The following DMD variants were observed in gnomAD, a reference collection of about 807,000 sequenced individuals.
DMD encodes mutant dystrophin.
DMD carries 63 observed loss-of-function variants against 330.1 expected under a neutral mutation model. That is an observed-to-expected ratio of 0.19 (90% confidence interval 0.16 to 0.24). The LOEUF (loss-of-function observed/expected upper bound fraction) is 0.24, where lower values mean the gene tolerates loss of function less well. DMD is among the 10% of genes least tolerant of loss of function. The probability of loss-of-function intolerance (pLI) is 1.00; values close to 1 mark genes in which losing one functional copy is unlikely to be tolerated. For synonymous variants in DMD, 1,223 were observed against 959.8 expected, an observed-to-expected ratio of 1.27 and a Z score of -5.07; for missense variants, 3,344 against 2,684.1, an observed-to-expected ratio of 1.25 and a Z score of -5.43.
chrX:32,026,553 G>C (rs1179971200), intron 44 of DMD, among the ~76,000 whole-genome samples: 3 of 112,533 alleles, frequency 2.7e-5, no homozygotes, highest in Non-Finnish European at 5.6e-5. Flanking sequence ...TCAGCTGCCT[G>C]AGATTTAATA....
chrX:32,772,436 T>C (rs1424156323), intron 7 of DMD, among the ~76,000 whole-genome samples: 1 of 112,531 alleles, frequency 8.9e-6, no homozygotes, highest in Non-Finnish European at 1.9e-5. Flanking sequence ...CAATAACTAG[T>C]CTTTACTCTG....
rs767454799 is a variant in DMD at position 31,485,438 on chromosome X, C to T, written c.8548-6335G>A. The stretch of plus-strand genomic sequence containing the variant: ...CTCAAACTCCTGACCTCAGGTGATC[C>T]GTTTGCCTCGGCCTCGCAAAGTGCT... On this transcript the variant is annotated intron_variant, in intron 57 of 78. Coordinates refer to ENST00000357033, the MANE Select transcript of DMD (RefSeq NM_004006.3). Among the ~76,000 whole-genome samples, 101 of 111,585 alleles carry T rather than the reference C, an allele frequency of 9.1e-4. 1 individual carries two copies. Among genetic ancestry groups the T allele is most frequent in the Non-Finnish European group, 1.5e-3 (82 of 53,134 alleles).
chrX:32,834,507 T>C (rs2079437482), intron 4 of DMD, among the ~76,000 whole-genome samples: 1 of 111,777 alleles, frequency 8.9e-6, no homozygotes, highest in African/African-American at 3.2e-5. Flanking sequence ...ATTTTTCAGA[T>C]CAGTGACATC....
intron 2 of DMD, among the ~76,000 whole-genome samples, chrX:32,883,823 CA>C (rs56150142): frequency 0.074 from 2,210 of 29,924 alleles, 2 homozygotes; most frequent in Non-Finnish European, 0.084. Flanking sequence ...GACTCTGTTT[CA>C]AAAAAAAAAA....
intron 55 of DMD, among the ~76,000 whole-genome samples, chrX:31,606,135 G>A (rs2077598854): frequency 3.6e-5 from 4 of 111,196 alleles, no homozygotes; most frequent in Non-Finnish European, 7.5e-5. Context: ...TTCGCTGGGC[G>A]CTTCTCCTTC....
At chrX:32,749,585 A>C (rs746088856) in intron 7 of DMD, among the ~76,000 whole-genome samples, 3 of 112,545 alleles carry the variant, frequency 2.7e-5, no homozygotes, top group African/African-American at 6.4e-5. Flanking sequence ...TTTCCTAAGG[A>C]AATGGAAAGA....
At chrX:32,305,084 A>G (rs2097535624) in intron 42 of DMD, among the ~76,000 whole-genome samples, 1 of 111,699 alleles carries the variant, frequency 9.0e-6, no homozygotes, top group Non-Finnish European at 1.9e-5. Flanking sequence ...ATACGCATAT[A>G]AACAATCGTT....
chrX:31,985,268 G>A (rs1405229482), intron 44 of DMD, among the ~76,000 whole-genome samples: 1 of 111,758 alleles, frequency 8.9e-6, no homozygotes, highest in Non-Finnish European at 1.9e-5. Context: ...GAAACAAAAC[G>A]TCTGCATGAT....
intron 1 of DMD, among the ~76,000 whole-genome samples, chrX:33,260,941 C>T (rs1301430861): frequency 1.8e-5 from 2 of 111,003 alleles, no homozygotes; most frequent in Non-Finnish European, 3.8e-5. Flanking sequence ...AAAATTACAA[C>T]AAAAGCGATC....
chrX:32,252,755 A>AATATATATAAAT (rs1569553654), intron 43 of DMD, among the ~76,000 whole-genome samples: 3 of 32,573 alleles, frequency 9.2e-5, no homozygotes, highest in Non-Finnish European at 1.4e-4. Flanking sequence ...AATATATATA[A>AATATATATAAAT]ATATATAAAT....
chrX:32,178,964 CT>C (rs2096917102), intron 44 of DMD, among the ~76,000 whole-genome samples: 1 of 104,488 alleles, frequency 9.6e-6, no homozygotes, highest in African/African-American at 3.6e-5. Context: ...CTCTCTCTCT[CT>C]CTCTCTCTCT....
chrX:31,794,870 AG>A (rs745814827), intron 50 of DMD, among the ~76,000 whole-genome samples: 147 of 111,972 alleles, frequency 1.3e-3, no homozygotes, highest in African/African-American at 4.7e-3. Flanking sequence ...AACGAAATTT[AG>A]GAAGAGCCTC....
rs1232286510 is a variant in DMD, at chrX:32,440,428, C to T, written c.3921+752G>A. ...AAATTCTATTCTGTCTAAAGAAATA[C>T]CTTACATTTTCTTCACATCTTGAAT... On this transcript the variant is annotated intron_variant, in intron 28 of 78. Coordinates refer to ENST00000357033, the MANE Select transcript of DMD (RefSeq NM_004006.3). 2.7e-5 allele frequency among the ~76,000 whole-genome samples: 3 copies of T among 111,318 alleles called. No individual in the cohort carries two copies. In the East Asian group the frequency reaches 8.4e-4, roughly 31 times the overall value.
intron 44 of DMD, among the ~76,000 whole-genome samples, chrX:32,056,165 T>C (rs1041491865): frequency 9.1e-6 from 1 of 110,340 alleles, no homozygotes; most frequent in Admixed American, 9.7e-5. Context: ...ATTTACAGCA[T>C]TGTCCTTCCA....
At chrX:31,526,839 G>T (rs1362328924) in intron 55 of DMD, among the ~76,000 whole-genome samples, 1 of 112,356 alleles carries the variant, frequency 8.9e-6, no homozygotes, top group Non-Finnish European at 1.9e-5. Flanking sequence ...GCTGGGCATG[G>T]TGGCTCACAT....
At chrX:31,390,865 T>C (rs1655070394) in intron 60 of DMD, among the ~76,000 whole-genome samples, 2 of 111,681 alleles carry the variant, frequency 1.8e-5, no homozygotes, top group Admixed American at 1.9e-4. Context: ...CGTCAGATTA[T>C]ATTATTTCTC....
chrX:32,437,023 G>A (rs1414179687), intron 29 of DMD, among the ~76,000 whole-genome samples: 1 of 111,042 alleles, frequency 9.0e-6, no homozygotes, highest in Non-Finnish European at 1.9e-5. Context: ...TTAATTTTTT[G>A]ATGCAACTGC....
chrX:31,629,962 T>C (rs964691063), intron 54 of DMD, among the ~76,000 whole-genome samples: 2 of 112,215 alleles, frequency 1.8e-5, no homozygotes, highest in Non-Finnish European at 3.8e-5. Flanking sequence ...AATTTAAAAA[T>C]ATGAAATTCT....
chrX:32,477,300 T>TAA (rs764046645), intron 21 of DMD, among the ~76,000 whole-genome samples: 1,246 of 104,140 alleles, frequency 0.012, 19 homozygotes, highest in African/African-American at 0.041. Context: ...TCTTGAAAAG[T>TAA]AAAAAAAAAA....
Sources: gnomAD v4.1 joint callset for allele counts (sites outside exome capture counted in the v4.1 genomes callset) on GRCh38, gnomAD v4.1.1 for gene constraint, MANE v1.5 for transcripts, NCBI Gene and HGNC (gene_info 2026-07-23, HGNC 2026-07-21) for gene names.